CMIP: variants seen among roughly 807,000 people sequenced by gnomAD.
The protein encoded by CMIP is c-Maf inducing protein, also known as C-Maf-inducing protein.
A neutral mutation model predicts 97.3 loss-of-function variants in CMIP; 13 were observed. The observed-to-expected ratio is 0.13, with a 90% CI of 0.09 to 0.21. The LOEUF (loss-of-function observed/expected upper bound fraction) is 0.21. Ranked by LOEUF, CMIP falls within the 10% of genes least tolerant of loss-of-function variation. CMIP has a pLI of 1.00. For missense variants in CMIP, 847 were observed against 1,024.9 expected, an observed-to-expected ratio of 0.83 and a Z score of 2.37; for synonymous variants, 538 against 436.3, an observed-to-expected ratio of 1.23 and a Z score of -2.91.
chr16:81,547,154 G>C (rs2090562827), intron 1 of CMIP, among the ~76,000 whole-genome samples: 1 of 152,224 alleles, frequency 6.6e-6, no homozygotes, highest in African/African-American at 2.4e-5. Flanking sequence ...CAAGTGAGGA[G>C]GATCTGGGGC....
intron 1 of CMIP, among the ~76,000 whole-genome samples, chr16:81,461,464 C>T (rs750243758): frequency 5.3e-5 from 8 of 152,144 alleles, no homozygotes; most frequent in East Asian, 1.9e-4. Context: ...TCAACCCTAG[C>T]GTAATTAGTC....
intron 7 of CMIP, among the ~76,000 whole-genome samples, chr16:81,668,306 C>T (rs1163446122): frequency 1.3e-5 from 2 of 152,136 alleles, no homozygotes; most frequent in Non-Finnish European, 2.9e-5. Context: ...GGCTGGCAGT[C>T]CCAGCACCTC....
chr16:81,663,664 C>G (rs1597213865), intron 6 of CMIP, among the ~76,000 whole-genome samples: 1 of 152,292 alleles, frequency 6.6e-6, no homozygotes, highest in East Asian at 1.9e-4. Context: ...GTGGGGTTCT[C>G]CATTGTAACA....
At chr16:81,541,859 C>T (rs908054291) in intron 1 of CMIP, among the ~76,000 whole-genome samples, 1 of 152,200 alleles carries the variant, frequency 6.6e-6, no homozygotes, top group African/African-American at 2.4e-5. Flanking sequence ...AAGGGAAAGC[C>T]TCATCTCTAC....
At chr16:81,665,720 C>T (rs1044271486) in intron 7 of CMIP, 2 of 152,214 alleles carry the variant, frequency 1.3e-5, no homozygotes, top group African/African-American at 4.8e-5. Context: ...AATAGTATAT[C>T]ACCTACAGCC....
At chr16:81,658,371 A>G (rs1480717097) in intron 5 of CMIP, among the ~76,000 whole-genome samples, 1 of 152,272 alleles carries the variant, frequency 6.6e-6, no homozygotes, top group African/African-American at 2.4e-5. Context: ...CACCTGCTAG[A>G]TGGTAAGCAC....
chr16:81,703,969 G>A lies in CMIP; in HGVS notation c.1975G>A (p.Gly659Ser), dbSNP rs1907730552. The A allele has an allele frequency of 1.3e-6, 2 of 1,596,534 alleles. No individual in the cohort carries two copies. Among genetic ancestry groups the A allele is most frequent in the Non-Finnish European group, 1.7e-6 (2 of 1,173,064 alleles). Reference protein sequence around the residue: ...DADLARLLSSGSFGNLENLSL... With the variant: ...DADLARLLSSSSFGNLENLSL... ...TGACTTGGCTCGTTTGCTGAGCTCC[G>A]GCTCCTTCGGAAACCTGGAGAACCT... is the stretch of plus-strand genomic sequence containing the variant. Residue 659 changes from glycine to serine, a missense_variant, in exon 18 of 21, where the codon GGC (glycine) becomes AGC (serine). Physicochemically the swap from Gly to Ser is moderately conservative, Grantham distance 56. This residue lies in a region of CMIP where 266 missense variants were observed against 384.2 expected (regional missense o/e 0.69). Transcript: ENST00000537098.
chr16:81,605,493 TG>T (rs1281073220), intron 1 of CMIP, among the ~76,000 whole-genome samples: 1 of 152,190 alleles, frequency 6.6e-6, no homozygotes, highest in Non-Finnish European at 1.5e-5. Flanking sequence ...CTGTGAACCT[TG>T]GCTAAAGCTC....
At chr16:81,478,123 C>A (rs1908041226) in intron 1 of CMIP, among the ~76,000 whole-genome samples, 1 of 152,212 alleles carries the variant, frequency 6.6e-6, no homozygotes, top group Admixed American at 6.5e-5. Context: ...TCCCCCCCAC[C>A]CCAGAAAGTA....
chr16:81,467,989 C>T (rs1487655419), intron 1 of CMIP, among the ~76,000 whole-genome samples: 3 of 151,064 alleles, frequency 2.0e-5, no homozygotes, highest in African/African-American at 4.9e-5. Flanking sequence ...CAGACTCAAG[C>T]GATCCTCCCA....
chr16:81,471,617 C>T (rs145714729), intron 1 of CMIP, among the ~76,000 whole-genome samples: 2 of 152,152 alleles, frequency 1.3e-5, no homozygotes, highest in Admixed American at 6.5e-5. Context: ...CCACTCTCAT[C>T]CTTGGGGGAT....
intron 14 of CMIP, among the ~76,000 whole-genome samples, chr16:81,698,737 A>G (rs868328590): frequency 3.5e-4 from 53 of 152,108 alleles, no homozygotes; most frequent in African/African-American, 1.2e-3. Context: ...CGAAACTGAA[A>G]CTCAGCATCC....
chr16:81,639,809 T>C (rs560927297), intron 3 of CMIP, among the ~76,000 whole-genome samples: 122 of 152,314 alleles, frequency 8.0e-4, no homozygotes, highest in African/African-American at 2.2e-3. Flanking sequence ...TGTCCTGAGG[T>C]TGGACTCCGT....
intron 10 of CMIP, among the ~76,000 whole-genome samples, chr16:81,680,612 C>A (rs1317788918): frequency 6.6e-6 from 1 of 152,208 alleles, no homozygotes; most frequent in Non-Finnish European, 1.5e-5. Context: ...ATTCAGTGAC[C>A]GCCACCCCCA....
chr16:81,456,501 A>G (rs1906555442), intron 1 of CMIP, among the ~76,000 whole-genome samples: 1 of 152,200 alleles, frequency 6.6e-6, no homozygotes, highest in African/African-American at 2.4e-5. Context: ...AAGGATAGTG[A>G]GCACTTACCC....
At chr16:81,633,617 C>T (rs750629402) in intron 3 of CMIP, among the ~76,000 whole-genome samples, 3 of 152,242 alleles carry the variant, frequency 2.0e-5, no homozygotes, top group South Asian at 4.1e-4. Context: ...CACCCTGGTG[C>T]ACTTTCAGAA....
At chr16:81,475,737 G>T (rs1475358079) in intron 1 of CMIP, among the ~76,000 whole-genome samples, 1 of 152,168 alleles carries the variant, frequency 6.6e-6, no homozygotes, top group Non-Finnish European at 1.5e-5. Flanking sequence ...CGTAATCCCA[G>T]CACTTTGGGA....
intron 1 of CMIP, among the ~76,000 whole-genome samples, chr16:81,458,921 C>G (rs116427402): frequency 1.2e-3 from 175 of 152,120 alleles, no homozygotes; most frequent in African/African-American, 3.9e-3. Flanking sequence ...GGCATGTGCT[C>G]AACAGATGTT....
intron 1 of CMIP, among the ~76,000 whole-genome samples, chr16:81,448,605 C>T (rs929696980): frequency 6.6e-6 from 1 of 152,266 alleles, no homozygotes; most frequent in Non-Finnish European, 1.5e-5. Flanking sequence ...GCTTGCCCTG[C>T]CCTGGTCTCC....
Sources: gnomAD v4.1 joint callset for allele counts (sites outside exome capture counted in the v4.1 genomes callset) on GRCh38, gnomAD v4.1.1 for gene constraint, gnomAD v4.1.1 regional missense constraint, MANE v1.5 for transcripts, NCBI Gene and HGNC (gene_info 2026-07-23, HGNC 2026-07-21) for gene names.